Variants in DOCK10 observed in about 807,000 individuals in gnomAD.
The protein encoded by DOCK10 is dedicator of cytokinesis 10, also known as dedicator of cytokinesis protein 10.
DOCK10 carries 145 observed loss-of-function variants against 280.1 expected under a neutral mutation model. That is an observed-to-expected ratio of 0.52 (90% CI 0.45 to 0.59). DOCK10 has a LOEUF of 0.59. DOCK10 is among the 20% of genes least tolerant of loss of function. DOCK10 has a pLI of 0.00. For synonymous variants in DOCK10, 915 were observed against 942.2 expected (o/e 0.97, Z 0.53); for missense variants, 2,368 against 2,651.7 (o/e 0.89, Z 2.35).
intron 37 of DOCK10, 60 bp from the exon 38 acceptor site, chr2:224,804,901 T>C: frequency 1.5e-6 from 2 of 1,320,014 alleles, no homozygotes; most frequent in Non-Finnish European, 2.1e-6. Context: ...TACAAACTGT[T>C]CATCTAAGTA....
At chr2:225,024,909 G>GA (rs376137154) in intron 1 of DOCK10, among the ~76,000 whole-genome samples, 112 of 145,574 alleles carry the variant, frequency 7.7e-4, no homozygotes, top group Admixed American at 4.7e-3. Context: ...AAAAGAAAAA[G>GA]AAAAAAAAAT....
chr2:224,943,488 C>A (rs1009248497), intron 1 of DOCK10, among the ~76,000 whole-genome samples: 15 of 151,948 alleles, frequency 9.9e-5, no homozygotes, highest in African/African-American at 3.6e-4. Context: ...AATTTTCTTT[C>A]GATTCAGAAA....
At chr2:224,890,877 T>G (rs2125793364) in intron 4 of DOCK10, among the ~76,000 whole-genome samples, 1 of 152,312 alleles carries the variant, frequency 6.6e-6, no homozygotes, top group East Asian at 1.9e-4. Context: ...AGTTATCAAA[T>G]GGTTCACTTA....
chr2:224,815,272 G>T (rs114777301), intron 30 of DOCK10, among the ~76,000 whole-genome samples: 3,593 of 152,084 alleles, frequency 0.024, 64 homozygotes, highest in Middle Eastern at 0.041. Context: ...TTTCCTGAGG[G>T]CTCCCCAGCC....
At chr2:224,948,676 A>G (rs1703562264) in intron 1 of DOCK10, among the ~76,000 whole-genome samples, 1 of 152,210 alleles carries the variant, frequency 6.6e-6, no homozygotes, top group Non-Finnish European at 1.5e-5. Flanking sequence ...TTAAAATCTG[A>G]TAAAAGCTAT....
intron 1 of DOCK10, among the ~76,000 whole-genome samples, chr2:224,980,316 A>G (rs1049245114): frequency 2.0e-5 from 3 of 152,238 alleles, no homozygotes; most frequent in Non-Finnish European, 2.9e-5. Context: ...TTGAAATACA[A>G]TAAATTTTCA....
chr2:224,894,694 A>G (rs1046326690), intron 4 of DOCK10, among the ~76,000 whole-genome samples: 1 of 152,206 alleles, frequency 6.6e-6, no homozygotes, highest in African/African-American at 2.4e-5. Context: ...AGAATGCTCA[A>G]AGATCTGGTA....
chr2:224,812,923 A>T (rs896058231), intron 31 of DOCK10, among the ~76,000 whole-genome samples: 1 of 152,072 alleles, frequency 6.6e-6, no homozygotes, highest in African/African-American at 2.4e-5. Context: ...ATCAATGTTC[A>T]TCAAGGATAT....
At chr2:224,777,604 C>T (rs959952197) in intron 51 of DOCK10, among the ~76,000 whole-genome samples, 1 of 152,210 alleles carries the variant, frequency 6.6e-6, no homozygotes, top group African/African-American at 2.4e-5. Flanking sequence ...GAAGGCTGCA[C>T]TGTCAACTTC....
intron 1 of DOCK10, among the ~76,000 whole-genome samples, chr2:225,008,833 A>G (rs12466888): frequency 0.035 from 5,308 of 152,266 alleles, 196 homozygotes; most frequent in African/African-American, 0.095. Context: ...AATATCCCAC[A>G]GGTTACTATG....
In DOCK10 at chr2:224,974,890, T is replaced by C. The variant is rs531672242; in HGVS notation, c.124-43222A>G. Among the ~76,000 whole-genome samples the C allele has an allele frequency of 3.2e-5, 4 of 125,998 alleles. No individual in the cohort carries two copies. In the South Asian group the frequency reaches 1.1e-3, roughly 34 times the overall value. 82.7% of individuals were successfully genotyped at this position (125,998 alleles called of 152,430 possible). On this transcript the variant is annotated intron_variant, in intron 1 of 55. Coordinates refer to ENST00000258390, the MANE Select transcript of DOCK10 (RefSeq NM_014689.3). ...TATATATACGTGTGTGTGTGATATG[T>C]ATTTATCTATAGCTCTATCTACATA...
At position 224,941,210 on chromosome 2, in the gene DOCK10, T is replaced by A. The variant is rs576471227; in HGVS notation, c.124-9542A>T. Among the ~76,000 whole-genome samples the A allele has an allele frequency of 4.6e-5, 7 of 152,040 alleles. No individual in the cohort carries two copies. The East Asian group carries it at 1.4e-3, about 29-fold the overall frequency. On this transcript the variant is annotated intron_variant, in intron 1 of 55. Coordinates refer to ENST00000258390, the MANE Select transcript of DOCK10 (RefSeq NM_014689.3). ...AACATTACTGCTCTTTTTTTTTTTT[T>A]TTAGATGAGTAAGCTTGGATTTTGA...
Position 224,853,120 on chromosome 2 carries a change from A to C in DOCK10, c.1891T>G (p.Cys631Gly), listed in dbSNP as rs756365144. ...VDNVPLEHPN[C>G]VTSSFIPVKP... ...ACAGGGATAAAGGACGATGTTACAC[A>C]ATCTTAAAAAATCAGAAAATAAGAG... The change falls in exon 17 of 56, where the codon TGT becomes GGT. Residue 631 changes from cysteine (C) to glycine (G), a missense_variant and splice_region_variant. Physicochemically the swap from Cys to Gly is radical, Grantham distance 159. Coordinates refer to ENST00000258390, the MANE Select transcript of DOCK10 (RefSeq NM_014689.3). 11 of 1,555,508 alleles carry C rather than the reference A, an allele frequency of 7.1e-6. No homozygotes were observed. The highest frequency in any genetic ancestry group is 9.6e-6 in the Non-Finnish European group (11 of 1,148,898).
intron 1 of DOCK10, among the ~76,000 whole-genome samples, chr2:225,041,628 A>G (rs1457888726): frequency 6.6e-6 from 1 of 152,128 alleles, no homozygotes; most frequent in Non-Finnish European, 1.5e-5. Context: ...AGACCTAATG[A>G]CCCACGTCTC....
chr2:224,886,894 C>CCG (rs1176193205), intron 4 of DOCK10, among the ~76,000 whole-genome samples: 16 of 134,558 alleles, frequency 1.2e-4, no homozygotes, highest in South Asian at 2.5e-4. Flanking sequence ...CAACACCCCC[C>CCG]CAAGTAGTAC....
At chr2:224,989,664 G>GC (rs1040007061) in intron 1 of DOCK10, among the ~76,000 whole-genome samples, 4 of 152,098 alleles carry the variant, frequency 2.6e-5, no homozygotes, top group Non-Finnish European at 4.4e-5. Flanking sequence ...AGATGGGTAA[G>GC]CCCCCCGCCA....
Position 224,814,336 on chromosome 2 carries a change from T to G in DOCK10, c.3393A>C (p.Gln1131His), listed in dbSNP as rs1208835800. 1.3e-6 allele frequency: 2 copies of G among 1,535,474 alleles called. No individual in the cohort carries two copies. The highest frequency in any genetic ancestry group is 2.5e-5 in the South Asian group (2 of 81,110). Reference protein sequence around the residue: ...PDPLTPSESTQELHASDMPEY... With the variant: ...PDPLTPSESTHELHASDMPEY... Reference sequence around the variant, plus strand: ...ATCACTTACCTGATGCATGTAACTCTTGAGTCGATTCTGAAGGTGTCAAAG... The same window carrying G: ...ATCACTTACCTGATGCATGTAACTCGTGAGTCGATTCTGAAGGTGTCAAAG... The change falls in exon 31 of 56, where the codon CAA (glutamine) becomes CAC (histidine). Residue 1131 changes from glutamine (Q) to histidine (H), a missense_variant. Gln to His is a conservative substitution (Grantham distance 24). Transcript: ENST00000258390.
chr2:224,861,065 A>G (rs1354440058), intron 14 of DOCK10: 1 of 152,244 alleles, frequency 6.6e-6, no homozygotes, highest in Non-Finnish European at 1.5e-5. Context: ...GGGAACTGAG[A>G]ATGCTTAACA....
At chr2:224,795,123 A>T in intron 44 of DOCK10, 29 bp from the exon 45 acceptor site, 1 of 1,599,340 alleles carries the variant, frequency 6.3e-7, no homozygotes, top group South Asian at 1.1e-5. Context: ...CTGGGTCATT[A>T]TCTGTTTAGA....
Sources: gnomAD v4.1 joint callset for allele counts (sites outside exome capture counted in the v4.1 genomes callset) on GRCh38, gnomAD v4.1.1 for gene constraint, MANE v1.5 for transcripts, NCBI Gene and HGNC (gene_info 2026-07-23, HGNC 2026-07-21) for gene names.